TEC: variants seen among roughly 807,000 people sequenced by gnomAD.
TEC encodes the protein tyrosine-protein kinase Tec.
Under a neutral mutation model 93.0 loss-of-function variants are expected in TEC, and 72 were observed. The ratio of observed to expected loss-of-function variants is 0.77; its 90% CI spans 0.64 to 0.94. The LOEUF (loss-of-function observed/expected upper bound fraction) is 0.94, where lower values mean the gene tolerates loss of function less well. Among genes scored for constraint, TEC ranks in the 40% least tolerant of loss-of-function variants. The probability of loss-of-function intolerance (pLI) is 0.00; values close to 1 mark genes in which losing one functional copy is unlikely to be tolerated. For missense variants in TEC, 630 were observed against 757.9 expected, an observed-to-expected ratio of 0.83 and a Z score of 1.98; for synonymous variants, 249 against 247.7, an observed-to-expected ratio of 1.01 and a Z score of -0.05.
At chr4:48,237,542 T>G (rs763397361) in intron 1 of TEC, among the ~76,000 whole-genome samples, 17 of 151,724 alleles carry the variant, frequency 1.1e-4, no homozygotes, top group Non-Finnish European at 2.2e-4. Context: ...AAAAGGGCCC[T>G]GATAACAGAG....
intron 1 of TEC, among the ~76,000 whole-genome samples, chr4:48,259,241 A>G (rs1349917937): frequency 6.6e-6 from 1 of 152,216 alleles, no homozygotes; most frequent in Non-Finnish European, 1.5e-5. Flanking sequence ...GAAGCACAGG[A>G]AAATAATTCC....
rs1560393024 is a variant in TEC at position 48,179,351 on chromosome 4, TATA to T, written c.139-3168_139-3166del. On this transcript the variant is annotated intron_variant, in intron 2 of 17. Coordinates refer to ENST00000381501, the MANE Select transcript of TEC (RefSeq NM_003215.3). ...ATGACGTGGGTAGTATATATATATATATATATATATATATATATATATATATTT... is the reference window on the plus strand; with the variant it reads ...ATGACGTGGGTAGTATATATATATATTATATATATATATATATATATATTT... Among the ~76,000 whole-genome samples the T allele has an allele frequency of 9.7e-5, 4 of 41,186 alleles. 1 individual carries two copies. Among genetic ancestry groups the T allele is most frequent in the Non-Finnish European group, 1.7e-4 (4 of 24,044 alleles). 27.0% of individuals were successfully genotyped at this position (41,186 alleles called of 152,430 possible). A position where few individuals can be genotyped will look rare whatever the true frequency, so the allele number is the denominator to read the frequency against.
Position 48,176,073 on chromosome 4 carries a change from C to G in TEC, c.243+9G>C. On this transcript the variant is annotated intron_variant, in intron 3 of 17. Coordinates refer to ENST00000381501, the MANE Select transcript of TEC (RefSeq NM_003215.3). ...AGCACTGCACTGCCACAAAAATACACCAGCTCACCTGAAATGGATACTTAT... is the reference window on the plus strand; with the variant it reads ...AGCACTGCACTGCCACAAAAATACAGCAGCTCACCTGAAATGGATACTTAT... 1 of 1,607,122 alleles carries G rather than the reference C, an allele frequency of 6.2e-7. No individual in the cohort carries two copies. Among genetic ancestry groups the G allele is most frequent in the Non-Finnish European group, 8.5e-7 (1 of 1,173,852 alleles).
chr4:48,228,820 C>T (rs193152983), intron 1 of TEC, among the ~76,000 whole-genome samples, 161 bp from the exon 2 acceptor site: 12 of 152,296 alleles, frequency 7.9e-5, no homozygotes, highest in African/African-American at 2.9e-4. Flanking sequence ...AAAATTCAAT[C>T]TCCTCTCCTT....
At chr4:48,268,739 G>A (rs1480497117) in intron 1 of TEC, among the ~76,000 whole-genome samples, 2 of 152,170 alleles carry the variant, frequency 1.3e-5, no homozygotes, top group South Asian at 2.1e-4. Context: ...AGGAAAATGA[G>A]CATTCACTGG....
At chr4:48,174,419 G>T (rs1040513527) in intron 3 of TEC, among the ~76,000 whole-genome samples, 1 of 152,154 alleles carries the variant, frequency 6.6e-6, no homozygotes, top group African/African-American at 2.4e-5. Context: ...AGTACTTTGG[G>T]AGGCTGAGGC....
At chr4:48,198,469 C>G (rs1255825290) in intron 2 of TEC, among the ~76,000 whole-genome samples, 1 of 152,224 alleles carries the variant, frequency 6.6e-6, no homozygotes, top group Non-Finnish European at 1.5e-5. Flanking sequence ...GCTAGCCAAC[C>G]TGGTACTGGA....
At chr4:48,139,353 A>C (rs991614396) in intron 15 of TEC, among the ~76,000 whole-genome samples, 1 of 152,240 alleles carries the variant, frequency 6.6e-6, no homozygotes, top group Non-Finnish European at 1.5e-5. Flanking sequence ...TCTTTAAATA[A>C]AATTTTACCC....
intron 17 of TEC, among the ~76,000 whole-genome samples, chr4:48,138,064 G>A (rs1283624627): frequency 6.6e-6 from 1 of 152,166 alleles, no homozygotes; most frequent in African/African-American, 2.4e-5. Flanking sequence ...CTGTAGCTAA[G>A]TGACCCCAGG....
At chr4:48,182,291 A>T (rs1721623055) in intron 2 of TEC, among the ~76,000 whole-genome samples, 1 of 151,672 alleles carries the variant, frequency 6.6e-6, no homozygotes, top group Non-Finnish European at 1.5e-5. Flanking sequence ...TCTCAAAAAA[A>T]AAAAAAAATT....
intron 1 of TEC, among the ~76,000 whole-genome samples, chr4:48,250,683 T>G (rs1177827086): frequency 2.6e-5 from 4 of 152,092 alleles, no homozygotes; most frequent in Admixed American, 1.3e-4. Context: ...GATCCAAACA[T>G]CTCAGCTGAG....
chr4:48,194,787 A>C (rs148954773), intron 2 of TEC, among the ~76,000 whole-genome samples: 1 of 152,290 alleles, frequency 6.6e-6, no homozygotes, highest in East Asian at 1.9e-4. Context: ...AAAATACTCA[A>C]AGAGAAATAC....
chr4:48,147,941 A>G (rs1719987806), intron 11 of TEC, among the ~76,000 whole-genome samples: 1 of 152,210 alleles, frequency 6.6e-6, no homozygotes, highest in African/African-American at 2.4e-5. Context: ...ATACTACAAC[A>G]TGACAATGTC....
intron 1 of TEC, among the ~76,000 whole-genome samples, chr4:48,267,116 T>G (rs1724660055): frequency 6.6e-6 from 1 of 152,204 alleles, no homozygotes; most frequent in African/African-American, 2.4e-5. Flanking sequence ...GAAATGTAAC[T>G]TGGATAAAAG....
chr4:48,199,477 T>C (rs1173272480), intron 2 of TEC, among the ~76,000 whole-genome samples: 1 of 139,360 alleles, frequency 7.2e-6, no homozygotes, highest in Non-Finnish European at 1.6e-5. Flanking sequence ...TTTTTTTTTT[T>C]TTTTTTTGAG....
chr4:48,154,216 T>C (rs753553115), intron 9 of TEC, among the ~76,000 whole-genome samples: 1 of 152,184 alleles, frequency 6.6e-6, no homozygotes, highest in Non-Finnish European at 1.5e-5. Flanking sequence ...AAGAAAACTT[T>C]TGGTAAATGA....
At chr4:48,248,217 T>A (rs1328492506) in intron 1 of TEC, among the ~76,000 whole-genome samples, 5 of 152,204 alleles carry the variant, frequency 3.3e-5, no homozygotes, top group African/African-American at 1.2e-4. Context: ...ATTAGTGGTG[T>A]ACAAATAATA....
At chr4:48,158,882 C>T (rs148445811) in intron 8 of TEC, among the ~76,000 whole-genome samples, 154 of 152,156 alleles carry the variant, frequency 1.0e-3, no homozygotes, top group African/African-American at 3.5e-3. Flanking sequence ...TTGGCAAGTT[C>T]CCTGGAAAGG....
chr4:48,256,170 A>G (rs889005400), intron 1 of TEC, among the ~76,000 whole-genome samples: 2 of 152,166 alleles, frequency 1.3e-5, no homozygotes, highest in Non-Finnish European at 2.9e-5. Flanking sequence ...CTACACTTTC[A>G]GCCACAGGCA....
Sources: gnomAD v4.1 joint callset for allele counts (sites outside exome capture counted in the v4.1 genomes callset) on GRCh38, gnomAD v4.1.1 for gene constraint, MANE v1.5 for transcripts, NCBI Gene and HGNC (gene_info 2026-07-23, HGNC 2026-07-21) for gene names.